The following SVOP variants were observed in gnomAD, a reference collection of about 807,000 sequenced individuals.
SVOP encodes the protein SV2 related protein.
A neutral mutation model predicts 69.1 loss-of-function variants in SVOP; 17 were observed. The observed-to-expected ratio is 0.25, with a 90% CI of 0.17 to 0.37. The LOEUF (loss-of-function observed/expected upper bound fraction) is 0.37. Ranked by LOEUF, SVOP falls within the 10% of genes least tolerant of loss-of-function variation. SVOP has a pLI of 1.00. For missense variants in SVOP, 435 were observed against 597.5 expected (o/e 0.73, Z 2.84); for synonymous variants, 238 against 238.6 (o/e 1.00, Z 0.02).
At chr12:108,927,247 G>T (rs2039786136) in intron 11 of SVOP, among the ~76,000 whole-genome samples, 1 of 152,180 alleles carries the variant, frequency 6.6e-6, no homozygotes, top group South Asian at 2.1e-4. Flanking sequence ...CAGGAGTGTT[G>T]TGTCCTCTGC....
At chr12:108,932,761 G>A (rs1213086279) in intron 11 of SVOP, among the ~76,000 whole-genome samples, 5 of 152,024 alleles carry the variant, frequency 3.3e-5, no homozygotes, top group Non-Finnish European at 7.4e-5. Flanking sequence ...TCGTAAGACC[G>A]ACAAAACAGA....
At chr12:109,003,971 GCA>G (rs1018476614) in intron 1 of SVOP, among the ~76,000 whole-genome samples, 4 of 152,118 alleles carry the variant, frequency 2.6e-5, no homozygotes, top group African/African-American at 9.7e-5. Flanking sequence ...AAAAGCGAGG[GCA>G]CCTTTGTTTA....
chr12:108,957,891 G>A (rs535258335), intron 6 of SVOP, among the ~76,000 whole-genome samples: 1 of 152,228 alleles, frequency 6.6e-6, no homozygotes, highest in Non-Finnish European at 1.5e-5. Flanking sequence ...GAACTCAACT[G>A]TGAGCTCCAT....
At chr12:108,962,418 G>C (rs542826783) in intron 5 of SVOP, among the ~76,000 whole-genome samples, 1 of 152,098 alleles carries the variant, frequency 6.6e-6, no homozygotes, top group Non-Finnish European at 1.5e-5. Context: ...TTTAAAGTAC[G>C]TGAATGACTA....
At chr12:108,998,979 A>T (rs1185326923) in intron 1 of SVOP, among the ~76,000 whole-genome samples, 1 of 147,662 alleles carries the variant, frequency 6.8e-6, no homozygotes, top group African/African-American at 2.5e-5. Flanking sequence ...TTTAAATGTA[A>T]ATGGACTAAA....
At chr12:108,991,530 A>C (rs1200800973) in intron 1 of SVOP, among the ~76,000 whole-genome samples, 1 of 152,042 alleles carries the variant, frequency 6.6e-6, no homozygotes, top group Non-Finnish European at 1.5e-5. Flanking sequence ...ATCTTGGCTC[A>C]CAGCAACCTC....
intron 11 of SVOP, among the ~76,000 whole-genome samples, chr12:108,928,320 C>T (rs2039794652): frequency 6.6e-6 from 1 of 152,042 alleles, no homozygotes; most frequent in Non-Finnish European, 1.5e-5. Flanking sequence ...CAAGATACTG[C>T]TGAATCAGTC....
chr12:108,953,803 C>T (rs952305309), intron 6 of SVOP, among the ~76,000 whole-genome samples: 1 of 151,842 alleles, frequency 6.6e-6, no homozygotes, highest in African/African-American at 2.4e-5. Context: ...TTTTATTTGC[C>T]CTCCTCACAG....
intron 6 of SVOP, among the ~76,000 whole-genome samples, chr12:108,957,526 A>G (rs531540003): frequency 6.6e-6 from 1 of 152,318 alleles, no homozygotes; most frequent in African/African-American, 2.4e-5. Flanking sequence ...TCAAGAAATG[A>G]ACAGGCAAGA....
chr12:108,960,474 T>TA lies in SVOP; in HGVS notation c.578+448dup, dbSNP rs531540534. On this transcript the variant is annotated intron_variant, in intron 6 of 15. Transcript: ENST00000610966. ...TTAGCATCATACTCTGCCTTGCGTTTAGGTAGGAAGAGCGTGGGAAGCAGC... is the reference window on the plus strand; with the variant it reads ...TTAGCATCATACTCTGCCTTGCGTTTAAGGTAGGAAGAGCGTGGGAAGCAGC... 3.9e-3 allele frequency among the ~76,000 whole-genome samples: 596 copies of TA among 152,258 alleles called. 4 individuals are homozygous for TA. Among genetic ancestry groups the TA allele is most frequent in the African/African-American group, 0.014 (576 of 41,532 alleles).
chr12:108,960,219 C>T (rs1478498575), intron 6 of SVOP, among the ~76,000 whole-genome samples: 2 of 152,158 alleles, frequency 1.3e-5, no homozygotes, highest in Non-Finnish European at 2.9e-5. Flanking sequence ...ATAGATAATA[C>T]ATAAATGGAG....
intron 5 of SVOP, among the ~76,000 whole-genome samples, chr12:108,962,688 G>A (rs147033787): frequency 1.8e-4 from 27 of 152,150 alleles, no homozygotes; most frequent in Admixed American, 1.4e-3. Flanking sequence ...ACATGGGGCC[G>A]AGCACGGTGG....
chr12:108,975,664 A>G (rs571871883), intron 4 of SVOP, among the ~76,000 whole-genome samples: 1 of 152,190 alleles, frequency 6.6e-6, no homozygotes, highest in South Asian at 2.1e-4. Flanking sequence ...GAGACCAGAA[A>G]GGCCCTACAT....
intron 1 of SVOP, among the ~76,000 whole-genome samples, chr12:108,985,274 G>A (rs1045258983): frequency 0.32 from 48,163 of 148,234 alleles, 8,182 homozygotes; most frequent in African/African-American, 0.42. Context: ...AGAGAGAGAG[G>A]AGAAGGAAGA....
intron 5 of SVOP, among the ~76,000 whole-genome samples, chr12:108,970,668 T>C (rs866223789): frequency 6.6e-6 from 1 of 152,160 alleles, no homozygotes; most frequent in Admixed American, 6.6e-5. Flanking sequence ...TTGTCAGAAA[T>C]GCTACACTCG....
intron 5 of SVOP, among the ~76,000 whole-genome samples, chr12:108,967,622 T>G (rs988399847): frequency 6.6e-6 from 1 of 152,186 alleles, no homozygotes; most frequent in Non-Finnish European, 1.5e-5. Flanking sequence ...TGTTTGCACA[T>G]GTTTTCTAGA....
intron 6 of SVOP, among the ~76,000 whole-genome samples, chr12:108,955,774 A>G (rs1159910215): frequency 1.3e-5 from 2 of 152,356 alleles, no homozygotes; most frequent in South Asian, 2.1e-4. Flanking sequence ...TTGTTAATAA[A>G]TCTTGAGTGC....
At chr12:109,000,033 T>C (rs954000316) in intron 1 of SVOP, among the ~76,000 whole-genome samples, 66 of 151,588 alleles carry the variant, frequency 4.4e-4, no homozygotes, top group Non-Finnish European at 4.7e-4. Flanking sequence ...AGCTGGTTTT[T>C]TGAAAGGATC....
intron 6 of SVOP, among the ~76,000 whole-genome samples, chr12:108,955,793 G>A (rs2039981982): frequency 6.6e-6 from 1 of 152,214 alleles, no homozygotes; most frequent in African/African-American, 2.4e-5. Flanking sequence ...GCTCTGCCAG[G>A]CACTGTCCTG....
Sources: gnomAD v4.1 joint callset for allele counts (sites outside exome capture counted in the v4.1 genomes callset) on GRCh38, gnomAD v4.1.1 for gene constraint, MANE v1.5 for transcripts, NCBI Gene and HGNC (gene_info 2026-07-23, HGNC 2026-07-21) for gene names.